The following PRKG1 variants were observed in gnomAD, a reference collection of about 807,000 sequenced individuals.
PRKG1 encodes the protein protein kinase cGMP-dependent 1.
In PRKG1, 35 loss-of-function variants were observed where a neutral mutation model predicts 88.1. The observed-to-expected ratio is 0.40, with a 90% CI of 0.30 to 0.53. The LOEUF is 0.53. PRKG1 is among the 20% of genes least tolerant of loss of function. The pLI is 0.59. For missense variants in PRKG1, 540 were observed against 839.8 expected (o/e 0.64, Z 4.41); for synonymous variants, 303 against 292.5 (o/e 1.04, Z -0.37).
intron 5 of PRKG1, among the ~76,000 whole-genome samples, chr10:51,939,739 C>A: frequency 6.6e-6 from 1 of 151,744 alleles, no homozygotes; most frequent in South Asian, 2.1e-4. Context: ...TTTTAACTTA[C>A]CAGTGGGAAT....
chr10:51,078,394 T>G (rs1844018460), intron 1 of PRKG1, among the ~76,000 whole-genome samples: 1 of 147,032 alleles, frequency 6.8e-6, no homozygotes, highest in Admixed American at 6.7e-5. Flanking sequence ...TATTTTTTTT[T>G]TTTTTTTTTT....
At chr10:52,081,496 A>G (rs1369886673) in intron 7 of PRKG1, 1 of 437,472 alleles carries the variant, frequency 2.3e-6, no homozygotes, top group Non-Finnish European at 4.6e-6. Flanking sequence ...TAAAAAGTCA[A>G]ATTTGTGTCT....
intron 3 of PRKG1, among the ~76,000 whole-genome samples, chr10:51,768,785 C>T (rs1485581601): frequency 6.6e-6 from 1 of 152,108 alleles, no homozygotes; most frequent in Non-Finnish European, 1.5e-5. Flanking sequence ...AGTTAACTAG[C>T]TTAAACAGTA....
At chr10:51,353,325 C>T (rs1300043906) in intron 2 of PRKG1, among the ~76,000 whole-genome samples, 1 of 151,996 alleles carries the variant, frequency 6.6e-6, no homozygotes, top group Non-Finnish European at 1.5e-5. Context: ...AAAGCTTCTG[C>T]ACAGCAAAAG....
intron 2 of PRKG1, among the ~76,000 whole-genome samples, chr10:51,324,659 T>A (rs1195824314): frequency 6.6e-6 from 1 of 151,206 alleles, no homozygotes; most frequent in Non-Finnish European, 1.5e-5. Context: ...GACAATGGCG[T>A]GAACCTGGGA....
chr10:51,610,503 CTA>C (rs1838879047), intron 3 of PRKG1, among the ~76,000 whole-genome samples: 1 of 152,058 alleles, frequency 6.6e-6, no homozygotes, highest in Non-Finnish European at 1.5e-5. Flanking sequence ...ATTTCATTGT[CTA>C]TATATATCTC....
chr10:51,092,989 TTATA>T (rs1316490634), intron 1 of PRKG1, among the ~76,000 whole-genome samples: 3 of 152,144 alleles, frequency 2.0e-5, no homozygotes, highest in Non-Finnish European at 4.4e-5. Context: ...TTAGAGGATT[TTATA>T]AAAACGCATG....
intron 5 of PRKG1, among the ~76,000 whole-genome samples, chr10:51,917,889 G>T (rs1431993516): frequency 6.6e-6 from 1 of 152,068 alleles, no homozygotes; most frequent in Non-Finnish European, 1.5e-5. Context: ...ACAAATGCTT[G>T]TTCATTGCTT....
At chr10:51,793,071 A>G (rs1838911277) in intron 3 of PRKG1, among the ~76,000 whole-genome samples, 1 of 149,170 alleles carries the variant, frequency 6.7e-6, no homozygotes. Context: ...TCTCCAAACA[A>G]ATGGAGATGT....
At chr10:51,899,306 A>C (rs577797522) in intron 4 of PRKG1, among the ~76,000 whole-genome samples, 25 of 152,288 alleles carry the variant, frequency 1.6e-4, no homozygotes, top group African/African-American at 6.0e-4. Flanking sequence ...CTCAATAATA[A>C]ACATATTATA....
intron 5 of PRKG1, among the ~76,000 whole-genome samples, chr10:51,912,908 A>T (rs951490779): frequency 6.6e-5 from 10 of 151,674 alleles, no homozygotes; most frequent in African/African-American, 2.4e-4. Flanking sequence ...CTATTGTTTT[A>T]AAAATTCAAC....
chr10:51,728,367 T>G (rs901170437), intron 3 of PRKG1, among the ~76,000 whole-genome samples: 9 of 151,988 alleles, frequency 5.9e-5, no homozygotes, highest in African/African-American at 1.9e-4. Flanking sequence ...ACATTTTGTC[T>G]TGAATAAACA....
At position 51,412,314 on chromosome 10, in the gene PRKG1, T is replaced by C. The variant is rs571935269; in HGVS notation, c.479-55409T>C. Among the ~76,000 whole-genome samples the C allele has an allele frequency of 3.3e-5, 5 of 152,068 alleles. No homozygotes were observed. In the South Asian group the frequency reaches 1.0e-3, roughly 32 times the overall value. Reference sequence around the variant, plus strand: ...AAAACACAAAACTCAAAACTAGCTGTTAATCTTTTCAGCAACATTGTGCTG... The same window carrying C: ...AAAACACAAAACTCAAAACTAGCTGCTAATCTTTTCAGCAACATTGTGCTG... On this transcript the variant is annotated intron_variant, in intron 2 of 17. Transcript: ENST00000373980.
At chr10:52,108,706 C>A (rs1847482554) in intron 7 of PRKG1, among the ~76,000 whole-genome samples, 1 of 149,096 alleles carries the variant, frequency 6.7e-6, no homozygotes, top group South Asian at 2.1e-4. Context: ...AAAAACCTGT[C>A]TTTTGAAAAT....
chr10:52,198,261 T>C (rs1282089118), intron 9 of PRKG1, among the ~76,000 whole-genome samples: 2 of 152,182 alleles, frequency 1.3e-5, no homozygotes, highest in African/African-American at 2.4e-5. Context: ...CTTGACTTAA[T>C]TGGCATGCAG....
chr10:51,841,017 A>T (rs1253239969), intron 4 of PRKG1, among the ~76,000 whole-genome samples: 1 of 152,218 alleles, frequency 6.6e-6, no homozygotes, highest in African/African-American at 2.4e-5. Flanking sequence ...TCTGAATCAG[A>T]TCACCAATAG....
At chr10:51,120,857 G>A (rs532823397) in intron 1 of PRKG1, among the ~76,000 whole-genome samples, 5 of 152,142 alleles carry the variant, frequency 3.3e-5, no homozygotes, top group South Asian at 2.1e-4. Context: ...TTACAGCAAC[G>A]GTAGGAATAA....
intron 2 of PRKG1, among the ~76,000 whole-genome samples, chr10:51,347,576 T>C (rs1311671801): frequency 6.6e-6 from 1 of 152,136 alleles, no homozygotes; most frequent in Non-Finnish European, 1.5e-5. Context: ...TCTCGTTGGT[T>C]TTCAAATAAA....
intron 2 of PRKG1, among the ~76,000 whole-genome samples, chr10:51,268,653 T>A (rs1839898650): frequency 6.6e-6 from 1 of 152,224 alleles, no homozygotes; most frequent in Non-Finnish European, 1.5e-5. Flanking sequence ...AGATTTCATA[T>A]TGTTTAAACA....
Sources: gnomAD v4.1 joint callset for allele counts (sites outside exome capture counted in the v4.1 genomes callset) on GRCh38, gnomAD v4.1.1 for gene constraint, MANE v1.5 for transcripts, NCBI Gene and HGNC (gene_info 2026-07-23, HGNC 2026-07-21) for gene names.